DENND2C: variants seen among roughly 807,000 people sequenced by gnomAD.
The protein encoded by DENND2C is DENN domain-containing protein 2C.
In DENND2C, 72 loss-of-function variants were observed where a neutral mutation model predicts 112.4. That is an observed-to-expected ratio of 0.64 (90% CI 0.53 to 0.78). The LOEUF (loss-of-function observed/expected upper bound fraction) is 0.78, where lower values mean the gene tolerates loss of function less well. Among genes scored for constraint, DENND2C ranks in the 30% least tolerant of loss-of-function variants. The probability of loss-of-function intolerance (pLI) is 0.00; values close to 1 mark genes in which losing one functional copy is unlikely to be tolerated. For synonymous variants in DENND2C, 329 were observed against 381.6 expected, an observed-to-expected ratio of 0.86 and a Z score of 1.61; for missense variants, 992 against 1,113.8, an observed-to-expected ratio of 0.89 and a Z score of 1.56.
At chr1:114,633,394 C>T (rs1314523275) in intron 3 of DENND2C, among the ~76,000 whole-genome samples, 1 of 136,722 alleles carries the variant, frequency 7.3e-6, no homozygotes, top group East Asian at 2.2e-4. Flanking sequence ...AAGCCAAGAT[C>T]GCACCACTGT....
At chr1:114,616,405 A>G (rs1322763162) in intron 8 of DENND2C, among the ~76,000 whole-genome samples, 2 of 152,144 alleles carry the variant, frequency 1.3e-5, no homozygotes, top group East Asian at 3.8e-4. Context: ...AAGAAAAAAA[A>G]AAAAGAAAAT....
Position 114,605,040 on chromosome 1 carries a change from G to C in DENND2C, c.1558-9C>G. 1 of 1,592,464 alleles carries C rather than the reference G, an allele frequency of 6.3e-7. No homozygotes were observed. The highest frequency in any genetic ancestry group is 8.6e-7 in the Non-Finnish European group (1 of 1,162,786). Reference sequence around the variant, plus strand: ...TTATAGCCATGATCATCCTGAAAAAGATAACACCATAGGTGACTTAAATTA... The same window carrying C: ...TTATAGCCATGATCATCCTGAAAAACATAACACCATAGGTGACTTAAATTA... On this transcript the variant is annotated splice_polypyrimidine_tract_variant and intron_variant, in intron 10 of 20. Transcript: ENST00000393274.
chr1:114,657,240 A>G (rs1657359094), intron 1 of DENND2C, among the ~76,000 whole-genome samples: 1 of 152,074 alleles, frequency 6.6e-6, no homozygotes, highest in Admixed American at 6.5e-5. Flanking sequence ...TCAACTTTTC[A>G]AACTCATTTT....
chr1:114,666,380 T>C (rs1423551100), intron 1 of DENND2C, among the ~76,000 whole-genome samples: 2 of 152,244 alleles, frequency 1.3e-5, no homozygotes, highest in East Asian at 3.8e-4. Context: ...GTCTTTAGAA[T>C]CAAGTCCAAA....
intron 2 of DENND2C, among the ~76,000 whole-genome samples, chr1:114,648,599 TACAGGG>T (rs1273326637): frequency 6.6e-6 from 1 of 152,188 alleles, no homozygotes; most frequent in African/African-American, 2.4e-5. Context: ...CCCTGCCTCC[TACAGGG>T]AAAGAGGGAT....
At chr1:114,641,472 G>A (rs1248686326) in intron 3 of DENND2C, among the ~76,000 whole-genome samples, 1 of 152,056 alleles carries the variant, frequency 6.6e-6, no homozygotes, top group South Asian at 2.1e-4. Flanking sequence ...CCTCATGAAT[G>A]GCTAACTGCC....
chr1:114,587,253 C>G, intron 20 of DENND2C, 134 bp downstream of exon 20: 4 of 917,808 alleles, frequency 4.4e-6, no homozygotes, highest in Non-Finnish European at 7.0e-6. Flanking sequence ...CACTATGTTG[C>G]CCACGCTGGT....
chr1:114,669,638 G>A (rs1360124461), intron 1 of DENND2C, among the ~76,000 whole-genome samples: 1 of 152,098 alleles, frequency 6.6e-6, no homozygotes, highest in Non-Finnish European at 1.5e-5. Context: ...CCAGGCTGCC[G>A]GGCGCTCCCT....
At chr1:114,586,502 G>A (rs6700833) in intron 20 of DENND2C, among the ~76,000 whole-genome samples, 36,821 of 151,770 alleles carry the variant, frequency 0.24, 4,860 homozygotes, top group Middle Eastern at 0.29. Flanking sequence ...TTCATCTCTG[G>A]GAAATGGCCC....
intron 8 of DENND2C, among the ~76,000 whole-genome samples, chr1:114,612,043 A>G (rs1374821674): frequency 6.6e-6 from 1 of 152,230 alleles, no homozygotes; most frequent in Admixed American, 6.5e-5. Context: ...TTAATATTCA[A>G]AGAACTGTTA....
rs202122690 is a variant in DENND2C at position 114,595,845 on chromosome 1, T to C, written c.2312A>G (p.Lys771Arg). Residue 771 changes from lysine to arginine, a missense_variant, in exon 17 of 21, where the codon AAG becomes AGG. Transcript: ENST00000393274. ...EVLIVDLCAD[K>R]FLQEVSDEDE... ...TTTGGCACTCACCTCCTGTAAGAAC[T>C]TGTCTGCACAGAGATCAACTATCAG... The C allele has an allele frequency of 4.3e-5, 70 of 1,613,790 alleles. No homozygotes were observed. Among genetic ancestry groups the C allele is most frequent in the Non-Finnish European group, 5.5e-5 (65 of 1,179,878 alleles).
Position 114,585,576 on chromosome 1 carries a change from T to G in DENND2C, c.*24A>C, listed in dbSNP as rs1328030178. 3.7e-6 allele frequency: 6 copies of G among 1,613,068 alleles called. No individual in the cohort carries two copies. The highest frequency in any genetic ancestry group is 5.1e-6 in the Non-Finnish European group (6 of 1,179,184). On this transcript the variant is annotated 3_prime_UTR_variant, in exon 21 of 21. Coordinates refer to ENST00000393274, the MANE Select transcript of DENND2C (RefSeq NM_001256404.2). Reference sequence around the variant, plus strand: ...TTCTTTGGCACTTTCTGTTGTATATTCAGGATGGAGACAATCAGAGATTTC... The same window carrying G: ...TTCTTTGGCACTTTCTGTTGTATATGCAGGATGGAGACAATCAGAGATTTC...
chr1:114,607,238 G>A (rs1655682312), intron 10 of DENND2C, among the ~76,000 whole-genome samples: 2 of 152,162 alleles, frequency 1.3e-5, no homozygotes, highest in South Asian at 4.1e-4. Flanking sequence ...TTTCCTACCA[G>A]ACTTCATTTA....
At chr1:114,613,489 A>G (rs1378591772) in intron 8 of DENND2C, among the ~76,000 whole-genome samples, 1 of 152,224 alleles carries the variant, frequency 6.6e-6, no homozygotes, top group Non-Finnish European at 1.5e-5. Context: ...TGCATATTAC[A>G]TATGTTTTAT....
At chr1:114,625,147 T>A in intron 4 of DENND2C, 32 bp downstream of exon 4, 1 of 1,547,950 alleles carries the variant, frequency 6.5e-7, no homozygotes, top group Non-Finnish European at 8.7e-7. Flanking sequence ...GGAAAATACC[T>A]ACAAGTCTTT....
In DENND2C at chr1:114,594,569, C is replaced by T. The variant is rs777443121; in HGVS notation, c.2335G>A (p.Glu779Lys). Residue 779 changes from glutamate to lysine, a missense_variant, in exon 18 of 21, where the codon GAG (glutamate) becomes AAG (lysine). By Grantham distance (56) the Glu-to-Lys change is moderately conservative (BLOSUM62 1). Coordinates refer to ENST00000393274, the MANE Select transcript of DENND2C (RefSeq NM_001256404.2). The part of the protein sequence containing the change: ...ADKFLQEVSD[E>K]DEILPPKLQA... ...AGTTTTGGTGGTAGAATTTCATCCTCATCAGATACCTTAAGAAGAAAAAAA... is the reference window on the plus strand; with the variant it reads ...AGTTTTGGTGGTAGAATTTCATCCTTATCAGATACCTTAAGAAGAAAAAAA... The T allele has an allele frequency of 1.9e-6, 3 of 1,612,810 alleles. No individual in the cohort carries two copies. Among genetic ancestry groups the T allele is most frequent in the East Asian group, 4.5e-5 (2 of 44,860 alleles).
intron 2 of DENND2C, among the ~76,000 whole-genome samples, chr1:114,651,305 A>ACACACG (rs1553237775): frequency 2.0e-5 from 3 of 150,196 alleles, no homozygotes; most frequent in African/African-American, 4.9e-5. Context: ...ACACACACAC[A>ACACACG]CGCCAAGTAT....
rs1470423423 is a variant in DENND2C, at chr1:114,650,458, A to T, written c.-317+4047T>A. ...GGCGGATGGATCACGAGGTCAGGAGATCGAGACCATCCTGGCTAATGCAGT... is the reference window on the plus strand; with the variant it reads ...GGCGGATGGATCACGAGGTCAGGAGTTCGAGACCATCCTGGCTAATGCAGT... On this transcript the variant is annotated intron_variant, in intron 2 of 20. Transcript: ENST00000393274. 2.6e-5 allele frequency among the ~76,000 whole-genome samples: 4 copies of T among 151,714 alleles called. No individual in the cohort carries two copies. The East Asian group carries it at 7.7e-4, about 29-fold the overall frequency.
At chr1:114,609,377 A>G (rs1355603455) in intron 9 of DENND2C, among the ~76,000 whole-genome samples, 1 of 152,236 alleles carries the variant, frequency 6.6e-6, no homozygotes, top group Admixed American at 6.5e-5. Flanking sequence ...CACATTGAAG[A>G]AACTGTCCAG....
Sources: allele counts gnomAD v4.1 joint callset (sites outside exome capture counted in the v4.1 genomes callset), GRCh38; gene constraint gnomAD v4.1.1; transcripts MANE v1.5; gene names NCBI Gene and HGNC (gene_info 2026-07-23, HGNC 2026-07-21).